DARS2: variants seen among roughly 807,000 people sequenced by gnomAD.
DARS2 encodes the protein aspartyl-tRNA synthetase 2, mitochondrial.
DARS2 carries 63 observed loss-of-function variants against 83.0 expected under a neutral mutation model. That is an observed-to-expected ratio of 0.76 (90% CI 0.62 to 0.94). The LOEUF (loss-of-function observed/expected upper bound fraction) is 0.94. Ranked by LOEUF, DARS2 falls within the 40% of genes least tolerant of loss-of-function variation. The pLI, the probability that DARS2 is intolerant of heterozygous loss-of-function variation, is 0.00. For missense variants in DARS2, 675 were observed against 774.4 expected (o/e 0.87, Z 1.52); for synonymous variants, 250 against 269.3 (o/e 0.93, Z 0.70).
At chr1:173,840,426 T>C (rs916312525) in intron 10 of DARS2, among the ~76,000 whole-genome samples, 13 of 152,268 alleles carry the variant, frequency 8.5e-5, no homozygotes, top group South Asian at 4.1e-4. Context: ...TTAGTAGAGA[T>C]GGAATTTTGC....
chr1:173,853,284 G>A (rs1044446779), intron 13 of DARS2, 65 bp from the exon 14 acceptor site: 19 of 1,519,662 alleles, frequency 1.3e-5, no homozygotes, highest in Non-Finnish European at 1.3e-5. Flanking sequence ...TCGGAATCCA[G>A]GCTGTGTCAT....
intron 12 of DARS2, 123 bp from the exon 13 acceptor site, chr1:173,850,204 G>T: frequency 8.8e-7 from 1 of 1,139,626 alleles, no homozygotes; most frequent in Non-Finnish European, 1.2e-6. Flanking sequence ...GGAGATAATA[G>T]AGACAATCTC....
chr1:173,839,132 A>G (rs1470078421), intron 9 of DARS2, among the ~76,000 whole-genome samples: 2 of 152,228 alleles, frequency 1.3e-5, no homozygotes, highest in Non-Finnish European at 2.9e-5. Flanking sequence ...CTAATTGCAC[A>G]TACGCAAATA....
chr1:173,828,544 CAT>C (rs1652678282), intron 3 of DARS2, 145 bp downstream of exon 3: 1 of 817,670 alleles, frequency 1.2e-6, no homozygotes, highest in Admixed American at 2.5e-5. Context: ...AATGTTAAGA[CAT>C]AGCAAAAAGA....
intron 10 of DARS2, 50 bp downstream of exon 10, chr1:173,839,596 C>G: frequency 6.5e-7 from 1 of 1,542,176 alleles, no homozygotes; most frequent in Non-Finnish European, 9.0e-7. Context: ...ATCCTGCAGT[C>G]TTTTTAAACC....
In DARS2 at chr1:173,839,444, C is replaced by A. The variant is rs1343253550; in HGVS notation, c.918C>A (p.Pro306=). The A allele has an allele frequency of 6.2e-7, 1 of 1,614,088 alleles. No individual in the cohort carries two copies. Among genetic ancestry groups the A allele is most frequent in the South Asian group, 1.1e-5 (1 of 91,084 alleles). The change falls in exon 10 of 17, where the codon CCC becomes CCA. Residue 306 remains proline (P), a synonymous_variant. Coordinates refer to ENST00000649689, the MANE Select transcript of DARS2 (RefSeq NM_018122.5). The part of the protein sequence containing the change: ...LIEGLLQYSW[P]NDKDPVVVPF... ...AGGGTTTGCTCCAGTATTCCTGGCC[C>A]AATGACAAAGATCCTGTGGTTGTTC...
Position 173,853,490 on chromosome 1 carries a change from G to C in DARS2, c.1486G>C (p.Glu496Gln). ...LFLPKEENPRELESAHHPFTA... is the reference protein window; with the variant it reads ...LFLPKEENPRQLESAHHPFTA... Reference sequence around the variant, plus strand: ...CCTGCCCAAGGAGGAAAATCCCAGAGAGCTGGAATCGGCCCACCACCCATT... The same window carrying C: ...CCTGCCCAAGGAGGAAAATCCCAGACAGCTGGAATCGGCCCACCACCCATT... Residue 496 changes from glutamate to glutamine, a missense_variant, in exon 14 of 17, where the codon GAG becomes CAG. Coordinates refer to ENST00000649689, the MANE Select transcript of DARS2 (RefSeq NM_018122.5). 6.2e-7 allele frequency: 1 copy of C among 1,614,096 alleles called. No individual in the cohort carries two copies. Among genetic ancestry groups the C allele is most frequent in the Admixed American group, 1.7e-5 (1 of 60,006 alleles).
chr1:173,829,766 G>A lies in DARS2; in HGVS notation c.295-894G>A, dbSNP rs560492788. ...CTACTAAAAATACAAAAATTTAGCC[G>A]GGTGTGGTGGCGGGCTCCTGTAACC... On this transcript the variant is annotated intron_variant, in intron 3 of 16. Coordinates refer to ENST00000649689, the MANE Select transcript of DARS2 (RefSeq NM_018122.5). Among the ~76,000 whole-genome samples, 108 of 152,122 alleles carry A rather than the reference G, an allele frequency of 7.1e-4. 1 individual carries two copies. The highest frequency in any genetic ancestry group is 2.3e-3 in the African/African-American group (94 of 41,506).
chr1:173,858,515 A>G lies in DARS2; in HGVS notation c.*810A>G, dbSNP rs546840059. 2 of 152,068 alleles carry G rather than the reference A, an allele frequency of 1.3e-5. No homozygotes were observed. The highest frequency in any genetic ancestry group is 4.8e-5 in the African/African-American group (2 of 41,418). The allele number at this position is 152,068 out of a possible 1,614,324, so 9.4% of individuals were successfully genotyped here. A position where few individuals can be genotyped will look rare whatever the true frequency, so the allele number is the denominator to read the frequency against. On this transcript the variant is annotated 3_prime_UTR_variant, in exon 17 of 17. Coordinates refer to ENST00000649689, the MANE Select transcript of DARS2 (RefSeq NM_018122.5). ...TATAGTTTCAGATTAAACAAAACTG[A>G]TATCAATAGTAAAAGTCATTTTACT...
chr1:173,836,197 G>A (rs1652998377), intron 7 of DARS2, among the ~76,000 whole-genome samples: 1 of 152,042 alleles, frequency 6.6e-6, no homozygotes, highest in Admixed American at 6.6e-5. Context: ...TCCAACCTGG[G>A]TGACAGACCA....
chr1:173,857,253 C>T (rs540343235), intron 16 of DARS2, among the ~76,000 whole-genome samples: 2 of 152,208 alleles, frequency 1.3e-5, no homozygotes, highest in East Asian at 3.9e-4. Flanking sequence ...TGTTTTAGGG[C>T]CTTTAGTAAG....
In DARS2 at chr1:173,856,710, T is replaced by C; in HGVS notation, c.1719T>C (p.Tyr573=). Residue 573 remains tyrosine (Y), a synonymous_variant, in exon 16 of 17, where the codon TAT becomes TAC. Coordinates refer to ENST00000649689, the MANE Select transcript of DARS2 (RefSeq NM_018122.5). ...CCCATCTGCTCCAGGCTTTAGATTA[T>C]GGGGCACCCCCTCATGGAGGAATTG... ...MLSHLLQALD[Y]GAPPHGGIAL... The C allele has an allele frequency of 6.2e-7, 1 of 1,614,040 alleles. No individual in the cohort carries two copies. The highest frequency in any genetic ancestry group is 1.1e-5 in the South Asian group (1 of 91,076).
chr1:173,854,631 T>G (rs1310018468), intron 15 of DARS2, among the ~76,000 whole-genome samples: 1 of 152,166 alleles, frequency 6.6e-6, no homozygotes, highest in Non-Finnish European at 1.5e-5. Context: ...AGGTGGCTCT[T>G]AAGCCCATGC....
intron 12 of DARS2, among the ~76,000 whole-genome samples, chr1:173,849,271 C>T (rs531988782): frequency 4.6e-5 from 7 of 151,636 alleles, no homozygotes; most frequent in Middle Eastern, 3.4e-3. Context: ...CAGTGACTCA[C>T]GCCTGTAATC....
intron 15 of DARS2, 73 bp downstream of exon 15, chr1:173,853,978 T>A: frequency 7.6e-7 from 1 of 1,319,410 alleles, no homozygotes; most frequent in Non-Finnish European, 1.1e-6. Flanking sequence ...TTGTTGTTGT[T>A]GTTTGCTTGT....
intron 11 of DARS2, among the ~76,000 whole-genome samples, chr1:173,843,236 T>C (rs1468316494): frequency 1.3e-5 from 2 of 152,020 alleles, no homozygotes; most frequent in East Asian, 1.9e-4. Flanking sequence ...ACAAAGAAAA[T>C]TTTTTCTTAG....
chr1:173,853,918 A>C lies in DARS2; in HGVS notation c.1674+13A>C. 1 of 1,586,568 alleles carries C rather than the reference A, an allele frequency of 6.3e-7. No individual in the cohort carries two copies. The highest frequency in any genetic ancestry group is 8.7e-7 in the Non-Finnish European group (1 of 1,155,044). On this transcript the variant is annotated intron_variant, in intron 15 of 16. Coordinates refer to ENST00000649689, the MANE Select transcript of DARS2 (RefSeq NM_018122.5). ...AACCTTACTAAAGGTAACAAACATC[A>C]TCTGCTATCCTGGGCTTATTTTTTT... is the stretch of plus-strand genomic sequence containing the variant.
At chr1:173,836,451 G>T (rs955954110) in intron 7 of DARS2, among the ~76,000 whole-genome samples, 2 of 151,580 alleles carry the variant, frequency 1.3e-5, no homozygotes, top group African/African-American at 2.4e-5. Flanking sequence ...GCTGAGGCAG[G>T]AGAATCACTT....
intron 1 of DARS2, among the ~76,000 whole-genome samples, chr1:173,825,741 T>A (rs1652498870): frequency 6.6e-6 from 1 of 150,944 alleles, no homozygotes; most frequent in African/African-American, 2.4e-5. Flanking sequence ...AGTGCTGGGA[T>A]TACAGGCGTG....
Sources: allele counts gnomAD v4.1 joint callset (sites outside exome capture counted in the v4.1 genomes callset), GRCh38; gene constraint gnomAD v4.1.1; transcripts MANE v1.5; gene names NCBI Gene and HGNC (gene_info 2026-07-23, HGNC 2026-07-21).